The following C1D variants were observed in gnomAD, a reference collection of about 807,000 sequenced individuals.
C1D encodes C1D nuclear receptor corepressor.
A neutral mutation model predicts 17.5 loss-of-function variants in C1D; 10 were observed. The ratio of observed to expected loss-of-function variants is 0.57; its 90% CI spans 0.35 to 0.97. The LOEUF (loss-of-function observed/expected upper bound fraction) is 0.97. Ranked by LOEUF, C1D falls within the 50% of genes least tolerant of loss-of-function variation. The pLI, the probability that C1D is intolerant of heterozygous loss-of-function variation, is 0.01. For synonymous variants in C1D, 49 were observed against 54.0 expected, an observed-to-expected ratio of 0.91 and a Z score of 0.40; for missense variants, 136 against 160.1, an observed-to-expected ratio of 0.85 and a Z score of 0.81.
At chr2:68,062,081 A>AT (rs1671647547) in intron 1 of C1D, among the ~76,000 whole-genome samples, 1 of 152,232 alleles carries the variant, frequency 6.6e-6, no homozygotes, top group Admixed American at 6.5e-5. Flanking sequence ...AACACAAAGG[A>AT]TAAGTGCCTG....
intron 1 of C1D, among the ~76,000 whole-genome samples, chr2:68,061,614 T>C (rs1671631149): frequency 6.6e-6 from 1 of 152,168 alleles, no homozygotes; most frequent in African/African-American, 2.4e-5. Flanking sequence ...GTTGCACAGA[T>C]TAAATAAACT....
chr2:68,045,854 G>C (rs1671103919), intron 4 of C1D, 134 bp downstream of exon 4: 1 of 591,004 alleles, frequency 1.7e-6, no homozygotes, highest in African/African-American at 2.0e-5. Context: ...AAAACCCAAA[G>C]ATAATAAGGT....
chr2:68,046,291 T>C, intron 3 of C1D, 53 bp downstream of exon 3: 1 of 1,295,836 alleles, frequency 7.7e-7, no homozygotes, highest in East Asian at 2.3e-5. Flanking sequence ...ATAAATCATC[T>C]TTCACACAAT....
In C1D at chr2:68,047,329, A is replaced by G; in HGVS notation, c.-9-10T>C. 1.3e-6 allele frequency: 2 copies of G among 1,593,374 alleles called. No individual in the cohort carries two copies. Among genetic ancestry groups the G allele is most frequent in the Non-Finnish European group, 1.7e-6 (2 of 1,173,154 alleles). ...CTGCCATTATGGCTGACTGGAAAAA[A>G]TTAAATTCTTTGAATTCATATTAGA... On this transcript the variant is annotated splice_polypyrimidine_tract_variant and intron_variant, in intron 1 of 4. Coordinates refer to ENST00000410067, the MANE Select transcript of C1D (RefSeq NM_173177.3).
chr2:68,055,476 C>CA (rs112320731), intron 1 of C1D, among the ~76,000 whole-genome samples: 17,150 of 133,552 alleles, frequency 0.13, 1,056 homozygotes, highest in South Asian at 0.23. Flanking sequence ...CAGCATGAAG[C>CA]AAAAAAAAAA....
At chr2:68,054,697 C>CACATCTGTAATT (rs895929383) in intron 1 of C1D, among the ~76,000 whole-genome samples, 5 of 152,012 alleles carry the variant, frequency 3.3e-5, no homozygotes, top group African/African-American at 1.2e-4. Flanking sequence ...CACCATGGCT[C>CACATCTGTAATT]ACATCTGTAA....
intron 2 of C1D, 52 bp downstream of exon 2, chr2:68,047,121 T>C (rs1558581208): frequency 6.0e-6 from 9 of 1,491,354 alleles, no homozygotes; most frequent in African/African-American, 2.8e-5. Context: ...TTTCATAAAA[T>C]AGCATTCTGT....
At chr2:68,052,255 A>G (rs369870391) in intron 1 of C1D, among the ~76,000 whole-genome samples, 63 of 152,308 alleles carry the variant, frequency 4.1e-4, no homozygotes, top group African/African-American at 1.4e-3. Flanking sequence ...TCTGGAAAGA[A>G]CATACAAAAA....
At chr2:68,062,721 A>C (rs2103823295) in intron 1 of C1D, among the ~76,000 whole-genome samples, 1 of 152,244 alleles carries the variant, frequency 6.6e-6, no homozygotes, top group Middle Eastern at 3.4e-3. Context: ...AAAAGAGAGA[A>C]ATGAGGGGCC....
chr2:68,059,463 T>G (rs1671554649), intron 1 of C1D, among the ~76,000 whole-genome samples: 1 of 152,164 alleles, frequency 6.6e-6, no homozygotes, highest in Non-Finnish European at 1.5e-5. Context: ...TATAAAGGTG[T>G]CCATACCTCC....
In C1D at chr2:68,046,013, T is replaced by C. The variant is rs762567025; in HGVS notation, c.236A>G (p.Lys79Arg). The C allele has an allele frequency of 1.3e-6, 2 of 1,590,480 alleles. No individual in the cohort carries two copies. Among genetic ancestry groups the C allele is most frequent in the Non-Finnish European group, 1.7e-6 (2 of 1,168,414 alleles). The change falls in exon 4 of 5, where the codon AAG (lysine) becomes AGG (arginine). Residue 79 changes from lysine (K) to arginine (R), a missense_variant. By Grantham distance (26) the Lys-to-Arg change is conservative. Coordinates refer to ENST00000410067, the MANE Select transcript of C1D (RefSeq NM_173177.3). ...VYLATQGVNP[K>R]EHPVKQELER... is the part of the protein sequence containing the mutation. ...CAATTCCTGTTTTACTGGATGTTCC[T>C]TAGGATTAACTCCTTGGGTTGCCAA...
At chr2:68,061,671 C>A (rs148328338) in intron 1 of C1D, among the ~76,000 whole-genome samples, 1 of 152,274 alleles carries the variant, frequency 6.6e-6, no homozygotes, top group African/African-American at 2.4e-5. Flanking sequence ...GCACTCAATA[C>A]ATTAGATAGT....
In C1D at chr2:68,047,293, A is replaced by C; in HGVS notation, c.18T>G (p.Ile6Met). The C allele has an allele frequency of 6.2e-7, 1 of 1,609,490 alleles. No individual in the cohort carries two copies. The highest frequency in any genetic ancestry group is 8.5e-7 in the Non-Finnish European group (1 of 1,178,380). MAGEE[I>M]NEDYPVEIHE... ...GAATTTCTACTGGATAGTCTTCATTAATTTCTTCACCTGCCATTATGGCTG... is the reference window on the plus strand; with the variant it reads ...GAATTTCTACTGGATAGTCTTCATTCATTTCTTCACCTGCCATTATGGCTG... The change falls in exon 2 of 5, where the codon ATT becomes ATG. Residue 6 changes from isoleucine to methionine, a missense_variant. Physicochemically the swap from Ile to Met is conservative, Grantham distance 10. Coordinates refer to ENST00000410067, the MANE Select transcript of C1D (RefSeq NM_173177.3).
chr2:68,050,044 G>T (rs1190328091), intron 1 of C1D, among the ~76,000 whole-genome samples: 2 of 152,190 alleles, frequency 1.3e-5, no homozygotes, highest in African/African-American at 4.8e-5. Flanking sequence ...GATTAAGAAT[G>T]TTCAGTGTTA....
intron 1 of C1D, among the ~76,000 whole-genome samples, chr2:68,050,589 A>G (rs1205211931): frequency 6.6e-6 from 1 of 151,936 alleles, no homozygotes; most frequent in Non-Finnish European, 1.5e-5. Context: ...TTTCTATCTC[A>G]CTGGCTCCTT....
intron 1 of C1D, among the ~76,000 whole-genome samples, chr2:68,059,720 C>A (rs1312268267): frequency 6.6e-6 from 1 of 152,226 alleles, no homozygotes. Context: ...TCAAAATTGT[C>A]CTTGTCCCTC....
intron 1 of C1D, among the ~76,000 whole-genome samples, chr2:68,062,200 A>C (rs1489396481): frequency 6.6e-6 from 1 of 152,208 alleles, no homozygotes; most frequent in African/African-American, 2.4e-5. Context: ...CAAAATTTTT[A>C]AATTTAATTT....
intron 4 of C1D, among the ~76,000 whole-genome samples, chr2:68,044,767 C>T (rs1671071028): frequency 6.6e-6 from 1 of 151,960 alleles, no homozygotes; most frequent in African/African-American, 2.4e-5. Flanking sequence ...TTTTTATTCA[C>T]CAACCCTTAT....
intron 4 of C1D, among the ~76,000 whole-genome samples, chr2:68,044,323 T>A (rs931509979): frequency 6.6e-6 from 1 of 152,266 alleles, no homozygotes; most frequent in African/African-American, 2.4e-5. Context: ...AGCACTCAAA[T>A]ATCTGTTGAA....
Sources: gnomAD v4.1 joint callset for allele counts (sites outside exome capture counted in the v4.1 genomes callset) on GRCh38, gnomAD v4.1.1 for gene constraint, MANE v1.5 for transcripts, NCBI Gene and HGNC (gene_info 2026-07-23, HGNC 2026-07-21) for gene names.